ASRGL1: variants seen among roughly 807,000 people sequenced by gnomAD.
The protein encoded by ASRGL1 is asparaginase and isoaspartyl peptidase 1.
In ASRGL1, 16 loss-of-function variants were observed where a neutral mutation model predicts 22.4. That is an observed-to-expected ratio of 0.71 (90% CI 0.48 to 1.08). ASRGL1 has a LOEUF of 1.08. Among genes scored for constraint, ASRGL1 ranks in the 50% least tolerant of loss-of-function variants. ASRGL1 has a pLI of 0.00. For synonymous variants in ASRGL1, 165 were observed against 159.3 expected (o/e 1.04, Z -0.27); for missense variants, 412 against 410.1 (o/e 1.00, Z -0.04).
chr11:62,397,355 G>T (rs544925695), downstream of ASRGL1, among the ~76,000 whole-genome samples: 1 of 151,474 alleles, frequency 6.6e-6, no homozygotes, highest in East Asian at 2.0e-4. Flanking sequence ...TAAAGCACAT[G>T]TGAGAAAAAA....
At chr11:62,394,177 TATAA>T (rs992834196), downstream of ASRGL1, among the ~76,000 whole-genome samples, 2 of 130,676 alleles carry the variant, frequency 1.5e-5, no homozygotes, top group African/African-American at 5.5e-5. Context: ...TTATATATCA[TATAA>T]ATATATATAC....
At chr11:62,375,566 T>C (rs995867396) in intron 4 of ASRGL1, among the ~76,000 whole-genome samples, 2 of 150,330 alleles carry the variant, frequency 1.3e-5, no homozygotes, top group Non-Finnish European at 3.0e-5. Flanking sequence ...GTGCTCTCCC[T>C]AGGCAAGTAG....
chr11:62,385,466 C>A, intron 4 of ASRGL1, among the ~76,000 whole-genome samples: 1 of 152,198 alleles, frequency 6.6e-6, no homozygotes, highest in African/African-American at 2.4e-5. Flanking sequence ...GCCACTGTAC[C>A]TGGCTCTTAT....
Position 62,392,667 on chromosome 11 carries a change from G to A in ASRGL1, c.*383G>A. 4.1e-6 allele frequency: 1 copy of A among 245,616 alleles called. No homozygotes were observed. The highest frequency in any genetic ancestry group is 8.0e-6 in the Non-Finnish European group (1 of 125,022). 15.2% of individuals were successfully genotyped at this position (245,616 alleles called of 1,614,324 possible). A position where few individuals can be genotyped will look rare whatever the true frequency, so the allele number is the denominator to read the frequency against. ...GACCCACAGCCTGCAGACACTGTGGGCTGGAAGGTGGGAAGGGAGGGGCCG... is the reference window on the plus strand; with the variant it reads ...GACCCACAGCCTGCAGACACTGTGGACTGGAAGGTGGGAAGGGAGGGGCCG... On this transcript the variant is annotated 3_prime_UTR_variant, in exon 7 of 7. Transcript: ENST00000415229.
rs1389844454 is a variant in ASRGL1, at chr11:62,337,571, C to G, written c.-92C>G. On this transcript the variant is annotated 5_prime_UTR_variant, in exon 1 of 7. Coordinates refer to ENST00000415229, the MANE Select transcript of ASRGL1 (RefSeq NM_001083926.2). ...CTCGGCGTCCGCGTCCTGCGGTGCC[C>G]TGGGTAAGTCGGCGGCCCTCCCGGA... 1.2e-5 allele frequency: 2 copies of G among 165,358 alleles called. No individual in the cohort carries two copies. Among genetic ancestry groups the G allele is most frequent in the African/African-American group, 2.4e-5 (1 of 41,664 alleles). 10.2% of individuals were successfully genotyped at this position (165,358 alleles called of 1,614,324 possible).
chr11:62,370,578 CTG>C (rs766487182), intron 4 of ASRGL1, among the ~76,000 whole-genome samples: 1 of 152,198 alleles, frequency 6.6e-6, no homozygotes, highest in African/African-American at 2.4e-5. Flanking sequence ...GGTAGAAAGA[CTG>C]TAATTTTATG....
intron 4 of ASRGL1, chr11:62,371,183 GCAACGGCA>G: frequency 8.0e-7 from 1 of 1,242,240 alleles, no homozygotes; most frequent in South Asian, 1.7e-5. Flanking sequence ...CTGAGCTCGG[GCAACGGCA>G]CTGCCCACGC....
At chr11:62,354,707 G>C (rs7111902) in intron 2 of ASRGL1, among the ~76,000 whole-genome samples, 42,275 of 151,996 alleles carry the variant, frequency 0.28, 5,960 homozygotes, top group South Asian at 0.36. Context: ...GATGATGCTA[G>C]AAGTGTTTAT....
intron 2 of ASRGL1, among the ~76,000 whole-genome samples, chr11:62,339,400 C>T (rs529846433): frequency 4.3e-4 from 65 of 152,262 alleles, no homozygotes; most frequent in Non-Finnish European, 7.3e-4. Flanking sequence ...CTACCTCCCC[C>T]GACAAGGTTC....
chr11:62,394,090 CAATATAT>C (rs1947399283), downstream of ASRGL1, among the ~76,000 whole-genome samples: 1 of 136,442 alleles, frequency 7.3e-6, no homozygotes, highest in African/African-American at 2.7e-5. Context: ...ATAATTTATA[CAATATAT>C]AATATATATT....
At chr11:62,373,772 C>T (rs1485602540) in intron 4 of ASRGL1, among the ~76,000 whole-genome samples, 1 of 152,246 alleles carries the variant, frequency 6.6e-6, no homozygotes, top group African/African-American at 2.4e-5. Context: ...CTGGCTGCAA[C>T]ATTATAGAAT....
chr11:62,353,524 G>A (rs984276874), intron 2 of ASRGL1, among the ~76,000 whole-genome samples: 4 of 151,262 alleles, frequency 2.6e-5, no homozygotes, highest in Admixed American at 2.0e-4. Context: ...TTTTTTAAGA[G>A]ATGGGGTCTT....
At chr11:62,381,627 T>C (rs563798819) in intron 4 of ASRGL1, among the ~76,000 whole-genome samples, 1 of 152,330 alleles carries the variant, frequency 6.6e-6, no homozygotes. Flanking sequence ...CCCAATCTTT[T>C]AGATCTAAAG....
At chr11:62,348,563 C>T (rs766512921) in intron 2 of ASRGL1, among the ~76,000 whole-genome samples, 6 of 152,064 alleles carry the variant, frequency 3.9e-5, no homozygotes, top group African/African-American at 1.4e-4. Context: ...ATTAGCTGGG[C>T]GTGGTGTCTC....
chr11:62,368,453 G>C (rs180779077), intron 4 of ASRGL1, among the ~76,000 whole-genome samples: 4 of 152,278 alleles, frequency 2.6e-5, no homozygotes, highest in Non-Finnish European at 4.4e-5. Context: ...GTCATGGAAT[G>C]TGCATATGAT....
intron 4 of ASRGL1, among the ~76,000 whole-genome samples, chr11:62,364,167 A>AAG (rs1441199693): frequency 1.3e-5 from 2 of 151,540 alleles, no homozygotes; most frequent in Non-Finnish European, 2.9e-5. Context: ...TCAAAAAAAA[A>AAG]AAAAAAAAAA....
Position 62,338,792 on chromosome 11 carries a change from A to T in ASRGL1, c.190+625A>T, listed in dbSNP as rs147499080. ...TCTACTAAAAATACAAAAGAAAAAAAAAAAAAGCCAGGCGTGGTGCTAGGA... is the reference window on the plus strand; with the variant it reads ...TCTACTAAAAATACAAAAGAAAAAATAAAAAAGCCAGGCGTGGTGCTAGGA... On this transcript the variant is annotated intron_variant, in intron 2 of 6. Transcript: ENST00000415229. 7.2e-5 allele frequency among the ~76,000 whole-genome samples: 11 copies of T among 152,022 alleles called. No homozygotes were observed. The East Asian group carries it at 2.1e-3, about 29-fold the overall frequency.
downstream of ASRGL1, among the ~76,000 whole-genome samples, chr11:62,394,198 A>G (rs1233648730): frequency 3.8e-5 from 5 of 131,586 alleles, no homozygotes; most frequent in Admixed American, 8.0e-5. Context: ...ATACTATTAT[A>G]TATAATATAT....
Position 62,346,824 on chromosome 11 carries a change from G to A in ASRGL1, c.190+8657G>A, listed in dbSNP as rs140969212. ...ATCTCTACTAAAACTACAAAAATTAGCCTCGCATGGTGGTGGGTGCCTGTA... is the reference window on the plus strand; with the variant it reads ...ATCTCTACTAAAACTACAAAAATTAACCTCGCATGGTGGTGGGTGCCTGTA... On this transcript the variant is annotated intron_variant, in intron 2 of 6. Transcript: ENST00000415229. Among the ~76,000 whole-genome samples the A allele has an allele frequency of 5.8e-3, 889 of 152,112 alleles. 9 individuals are homozygous for A. Among genetic ancestry groups the A allele is most frequent in the African/African-American group, 0.02 (847 of 41,502 alleles).
Sources: allele counts gnomAD v4.1 joint callset (sites outside exome capture counted in the v4.1 genomes callset), GRCh38; gene constraint gnomAD v4.1.1; transcripts MANE v1.5; gene names NCBI Gene and HGNC (gene_info 2026-07-23, HGNC 2026-07-21).